COL25A1: variants seen among roughly 807,000 people sequenced by gnomAD.
The protein encoded by COL25A1 is collagen alpha-1(XXV) chain.
A neutral mutation model predicts 128.4 loss-of-function variants in COL25A1; 103 were observed. That is an observed-to-expected ratio of 0.80 (90% CI 0.68 to 0.94). The LOEUF (loss-of-function observed/expected upper bound fraction) is 0.94. COL25A1 is among the 40% of genes least tolerant of loss of function. The probability of loss-of-function intolerance (pLI) is 0.00; values close to 1 mark genes in which losing one functional copy is unlikely to be tolerated. For missense variants in COL25A1, 745 were observed against 840.0 expected (o/e 0.89, Z 1.40); for synonymous variants, 279 against 277.2 (o/e 1.01, Z -0.06).
At chr4:108,869,286 G>A (rs768281334) in intron 19 of COL25A1, 136 bp from the exon 20 acceptor site, 31 of 537,750 alleles carry the variant, frequency 5.8e-5, no homozygotes, top group Non-Finnish European at 9.4e-5. Context: ...CTTTCTTGCC[G>A]AGATCCAGCT....
chr4:108,918,167 C>T lies in COL25A1; in HGVS notation c.780+5G>A, dbSNP rs1745081829. 6.3e-7 allele frequency: 1 copy of T among 1,581,308 alleles called. No homozygotes were observed. The highest frequency in any genetic ancestry group is 8.6e-7 in the Non-Finnish European group (1 of 1,156,498). On this transcript the variant is annotated splice_donor_5th_base_variant and intron_variant, in intron 13 of 37. Coordinates refer to ENST00000399132, the MANE Select transcript of COL25A1 (RefSeq NM_198721.4). ...TTTTAAAATACAATATTCTATAGAA[C>T]TCACCTTTTGCCCATTCATCCCTGG... is the stretch of plus-strand genomic sequence containing the variant.
chr4:109,023,723 C>T (rs191476648), intron 5 of COL25A1, among the ~76,000 whole-genome samples: 118 of 152,284 alleles, frequency 7.7e-4, no homozygotes, highest in African/African-American at 2.7e-3. Context: ...AAGAGATTCA[C>T]AAGCGCTGAT....
At chr4:109,217,454 TAA>T (rs1250854589) in intron 3 of COL25A1, among the ~76,000 whole-genome samples, 2 of 152,196 alleles carry the variant, frequency 1.3e-5, no homozygotes, top group East Asian at 3.8e-4. Context: ...CTTTTATAGA[TAA>T]GTCTTTTAAG....
In COL25A1 at chr4:109,301,969, G is replaced by A. The variant is rs376690576; in HGVS notation, c.51C>T (p.Ser17=). 9 of 1,609,360 alleles carry A rather than the reference G, an allele frequency of 5.6e-6. No individual in the cohort carries two copies. The highest frequency in any genetic ancestry group is 7.6e-6 in the Non-Finnish European group (9 of 1,177,842). Residue 17 remains serine, a synonymous_variant, in exon 2 of 38, where the codon TCC becomes TCT. Coordinates refer to ENST00000399132, the MANE Select transcript of COL25A1 (RefSeq NM_198721.4). ...AGKGGGREPR[S]EDPTPAEQHC... ...GCTGTTCGGCAGGGGTCGGGTCCTCGGATCTGGGCTCCCGGCCCCCTCCTT... is the reference window on the plus strand; with the variant it reads ...GCTGTTCGGCAGGGGTCGGGTCCTCAGATCTGGGCTCCCGGCCCCCTCCTT...
chr4:108,906,952 G>A (rs1743601956), intron 13 of COL25A1, among the ~76,000 whole-genome samples: 1 of 152,240 alleles, frequency 6.6e-6, no homozygotes, highest in African/African-American at 2.4e-5. Flanking sequence ...AGACAGCAAG[G>A]CTGCCCAACT....
intron 31 of COL25A1, chr4:108,834,337 G>A: frequency 1.3e-6 from 2 of 1,550,316 alleles, no homozygotes; most frequent in Admixed American, 2.0e-5. Context: ...GTCAGAGCAA[G>A]ACAAGGGACT....
intron 35 of COL25A1, chr4:108,823,795 G>T: frequency 3.5e-6 from 2 of 575,772 alleles, no homozygotes; most frequent in Non-Finnish European, 5.0e-6. Context: ...AGACAAGTGA[G>T]ATGCTGCCTT....
intron 37 of COL25A1, among the ~76,000 whole-genome samples, chr4:108,815,357 T>C (rs1414853071): frequency 7.2e-6 from 1 of 139,410 alleles, no homozygotes; most frequent in Non-Finnish European, 1.6e-5. Flanking sequence ...ATCCGCTGAC[T>C]TTATTTTAAA....
At chr4:109,042,682 A>G (rs1760036103) in intron 5 of COL25A1, among the ~76,000 whole-genome samples, 1 of 152,122 alleles carries the variant, frequency 6.6e-6, no homozygotes, top group African/African-American at 2.4e-5. Flanking sequence ...AAATTTTTAA[A>G]TATTATAATA....
chr4:108,972,217 G>T (rs929366084), intron 8 of COL25A1, among the ~76,000 whole-genome samples: 1 of 152,006 alleles, frequency 6.6e-6, no homozygotes, highest in South Asian at 2.1e-4. Context: ...GGTAAAAAGC[G>T]TAATTCAAAA....
chr4:109,016,512 C>A (rs2126056682), intron 5 of COL25A1, among the ~76,000 whole-genome samples: 1 of 152,342 alleles, frequency 6.6e-6, no homozygotes, highest in African/African-American at 2.4e-5. Flanking sequence ...GACCAGACTG[C>A]CAGTTCCAGG....
chr4:109,250,243 T>C (rs1027465749), intron 3 of COL25A1, among the ~76,000 whole-genome samples: 6 of 152,136 alleles, frequency 3.9e-5, no homozygotes, highest in Middle Eastern at 6.8e-3. Context: ...GTCTCCAAGA[T>C]ATATTATAGA....
chr4:109,245,997 T>C (rs1578537027), intron 3 of COL25A1, among the ~76,000 whole-genome samples: 1 of 147,908 alleles, frequency 6.8e-6, no homozygotes, highest in East Asian at 2.0e-4. Flanking sequence ...GAACCTCTAG[T>C]TGCTTTTTTG....
At chr4:108,838,005 A>T (rs1017882930) in intron 31 of COL25A1, 12 of 873,078 alleles carry the variant, frequency 1.4e-5, no homozygotes, top group Middle Eastern at 2.2e-4. Flanking sequence ...AGAAACCTCA[A>T]CAGTACGAGC....
At chr4:109,265,224 C>A (rs1258165403) in intron 3 of COL25A1, among the ~76,000 whole-genome samples, 1 of 152,140 alleles carries the variant, frequency 6.6e-6, no homozygotes, top group African/African-American at 2.4e-5. Context: ...TGTTTTAACT[C>A]TCCTATTCTA....
intron 3 of COL25A1, among the ~76,000 whole-genome samples, chr4:109,234,918 A>G (rs139328243): frequency 1.5e-3 from 235 of 152,254 alleles, no homozygotes; most frequent in African/African-American, 5.1e-3. Flanking sequence ...TAAATTGTGA[A>G]TAGCCAATAC....
intron 27 of COL25A1, among the ~76,000 whole-genome samples, chr4:108,848,091 G>C (rs963266874): frequency 3.3e-5 from 5 of 152,048 alleles, no homozygotes; most frequent in Admixed American, 2.6e-4. Context: ...TCATCCCAGG[G>C]ATTGTTTTTG....
intron 3 of COL25A1, among the ~76,000 whole-genome samples, chr4:109,168,937 C>T (rs1289073105): frequency 6.6e-6 from 1 of 152,142 alleles, no homozygotes; most frequent in Non-Finnish European, 1.5e-5. Flanking sequence ...GGGCATCTCT[C>T]ACCCGCACTA....
At chr4:108,913,765 A>C (rs1744543572) in intron 13 of COL25A1, among the ~76,000 whole-genome samples, 1 of 152,240 alleles carries the variant, frequency 6.6e-6, no homozygotes, top group Non-Finnish European at 1.5e-5. Context: ...TGTAGACAGC[A>C]ATCTATTTTG....
Sources: gnomAD v4.1 joint callset for allele counts (sites outside exome capture counted in the v4.1 genomes callset) on GRCh38, gnomAD v4.1.1 for gene constraint, MANE v1.5 for transcripts, NCBI Gene and HGNC (gene_info 2026-07-23, HGNC 2026-07-21) for gene names.